Variants in SMIM8 observed in about 807,000 individuals in gnomAD.
The protein encoded by SMIM8 is small integral membrane protein 8, also known as UPF0708 protein C6orf162.
A neutral mutation model predicts 8.1 loss-of-function variants in SMIM8; 8 were observed. That is an observed-to-expected ratio of 0.99 (90% CI 0.58 to 1.78). The LOEUF (loss-of-function observed/expected upper bound fraction) is 1.78. SMIM8 is among the 40% of genes most tolerant of loss of function. The pLI is 0.00. For missense variants in SMIM8, 126 were observed against 119.8 expected, an observed-to-expected ratio of 1.05 and a Z score of -0.24; for synonymous variants, 45 against 39.7, an observed-to-expected ratio of 1.13 and a Z score of -0.50.
chr6:87,341,416 C>T lies in SMIM8; in HGVS notation c.*1142C>T, dbSNP rs751356090. ...GCCTAGGACAGAGGTCAAGGCTAGG[C>T]CCCTGTGTCTGGCCAGATTCTGCCT... On this transcript the variant is annotated 3_prime_UTR_variant, in exon 4 of 4. Transcript: ENST00000392863. 5.0e-6 allele frequency: 2 copies of T among 396,790 alleles called. No homozygotes were observed. The highest frequency in any genetic ancestry group is 8.9e-6 in the Non-Finnish European group (2 of 225,098). The allele number at this position is 396,790 out of a possible 1,614,324, so 24.6% of individuals were successfully genotyped here. A position where few individuals can be genotyped will look rare whatever the true frequency, so the allele number is the denominator to read the frequency against.
intron 2 of SMIM8, among the ~76,000 whole-genome samples, chr6:87,335,845 CA>C (rs35840147): frequency 0.25 from 13,912 of 55,692 alleles, 403 homozygotes; most frequent in Admixed American, 0.31. Flanking sequence ...CCGTCCCTAC[CA>C]AAAAAAAAAA....
At chr6:87,335,672 A>G (rs1198864658) in intron 2 of SMIM8, among the ~76,000 whole-genome samples, 2 of 152,016 alleles carry the variant, frequency 1.3e-5, no homozygotes, top group Non-Finnish European at 2.9e-5. Context: ...TTGATTTTAT[A>G]AAGTCTATAA....
chr6:87,337,104 C>G lies in SMIM8; in HGVS notation c.73C>G (p.Leu25Val). The change falls in exon 3 of 4, where the codon CTC becomes GTC. Residue 25 changes from leucine to valine, a missense_variant. Coordinates refer to ENST00000392863, the MANE Select transcript of SMIM8 (RefSeq NM_001042493.3). Reference sequence around the variant, plus strand: ...AGAGAAAGAGTTTCAAAGCCCAGGGCTCAGAGGGGTGCGCACAACAACCTT... The same window carrying G: ...AGAGAAAGAGTTTCAAAGCCCAGGGGTCAGAGGGGTGCGCACAACAACCTT... ...PKEKEFQSPG[L>V]RGVRTTTLFR... 6.2e-7 allele frequency: 1 copy of G among 1,613,424 alleles called. No homozygotes were observed. The highest frequency in any genetic ancestry group is 8.5e-7 in the Non-Finnish European group (1 of 1,179,624).
In SMIM8 at chr6:87,339,823, C is replaced by T. The variant is rs544342360; in HGVS notation, c.136-293C>T. On this transcript the variant is annotated intron_variant, in intron 3 of 3. Transcript: ENST00000392863. ...CTCCGGGTGCTGACCAGTTTTCCTG[C>T]CCCACTCCTTTCCCAGCTGTCACCT... 4.4e-4 allele frequency among the ~76,000 whole-genome samples: 67 copies of T among 152,226 alleles called. No individual in the cohort carries two copies. The Middle Eastern group carries it at 0.014, about 31-fold the overall frequency.
At chr6:87,340,023 A>G (rs775651635) in intron 3 of SMIM8, 93 bp from the exon 4 acceptor site, 2 of 899,996 alleles carry the variant, frequency 2.2e-6, no homozygotes, top group East Asian at 2.7e-5. Context: ...TGTAATAAAG[A>G]TGTGGCATGT....
At chr6:87,330,302 A>G (rs1383427457) in intron 1 of SMIM8, among the ~76,000 whole-genome samples, 11 of 152,172 alleles carry the variant, frequency 7.2e-5, no homozygotes, top group Non-Finnish European at 4.4e-5. Flanking sequence ...GCTCGTTAAC[A>G]TTTTATGATT....
At chr6:87,325,984 T>A (rs1011971216) in intron 1 of SMIM8, among the ~76,000 whole-genome samples, 1 of 152,246 alleles carries the variant, frequency 6.6e-6, no homozygotes, top group Non-Finnish European at 1.5e-5. Flanking sequence ...TTCTTCCTAG[T>A]TTAGTCTTGG....
Position 87,337,097 on chromosome 6 carries a change from C to T in SMIM8, c.66C>T (p.Ser22=). The T allele has an allele frequency of 6.2e-7, 1 of 1,613,392 alleles. No homozygotes were observed. Among genetic ancestry groups the T allele is most frequent in the Non-Finnish European group, 8.5e-7 (1 of 1,179,586 alleles). Residue 22 remains serine (S), a synonymous_variant, in exon 3 of 4, where the codon AGC becomes AGT. Transcript: ENST00000392863. ...KEPPKEKEFQ[S]PGLRGVRTTT... is the part of the protein sequence containing the mutation. ...CACCCAAAGAGAAAGAGTTTCAAAGCCCAGGGCTCAGAGGGGTGCGCACAA... is the reference window on the plus strand; with the variant it reads ...CACCCAAAGAGAAAGAGTTTCAAAGTCCAGGGCTCAGAGGGGTGCGCACAA...
intron 1 of SMIM8, among the ~76,000 whole-genome samples, chr6:87,327,350 T>C (rs1273537787): frequency 6.6e-6 from 1 of 152,146 alleles, no homozygotes; most frequent in Non-Finnish European, 1.5e-5. Context: ...ATACAGTTTC[T>C]TCCTAGTCTC....
At chr6:87,324,682 A>G (rs1236828031) in intron 1 of SMIM8, among the ~76,000 whole-genome samples, 4 of 151,038 alleles carry the variant, frequency 2.6e-5, no homozygotes, top group African/African-American at 9.8e-5. Context: ...GCCTTGTAGT[A>G]TACTTTGAAG....
chr6:87,322,682 G>T, intron 1 of SMIM8, 50 bp downstream of exon 1: 1 of 152,310 alleles, frequency 6.6e-6, no homozygotes, highest in Non-Finnish European at 1.5e-5. Flanking sequence ...GGCCTGGAGG[G>T]GCCAGGGCGG....
At chr6:87,326,268 T>C (rs867184982) in intron 1 of SMIM8, among the ~76,000 whole-genome samples, 13 of 152,176 alleles carry the variant, frequency 8.5e-5, no homozygotes, top group African/African-American at 3.1e-4. Context: ...CTATTTCCTT[T>C]AGTTGTGCTC....
chr6:87,332,344 A>ATATATATATATATATAT (rs1490339070), intron 2 of SMIM8, among the ~76,000 whole-genome samples: 1 of 143,332 alleles, frequency 7.0e-6, no homozygotes, highest in African/African-American at 2.7e-5. Flanking sequence ...TATATATATA[A>ATATATATATATATATAT]ATGACAGCAG....
At chr6:87,328,654 A>G (rs911961713) in intron 1 of SMIM8, among the ~76,000 whole-genome samples, 4 of 152,172 alleles carry the variant, frequency 2.6e-5, no homozygotes, top group Non-Finnish European at 5.9e-5. Flanking sequence ...GCTCTCTTCA[A>G]AGCTGTCAGA....
chr6:87,327,213 C>G (rs1183770266), intron 1 of SMIM8, among the ~76,000 whole-genome samples: 6 of 147,762 alleles, frequency 4.1e-5, no homozygotes, highest in South Asian at 2.2e-4. Context: ...GGTCTTGACT[C>G]TTTATCCAAT....
intron 2 of SMIM8, among the ~76,000 whole-genome samples, chr6:87,332,319 C>CATATATATATATA (rs1562223234): frequency 2.1e-5 from 2 of 97,312 alleles, no homozygotes; most frequent in African/African-American, 9.3e-5. Context: ...TCCTCCCCCC[C>CATATATATATATA]CATATATGTA....
At chr6:87,327,213 C>A (rs1183770266) in intron 1 of SMIM8, among the ~76,000 whole-genome samples, 1 of 147,762 alleles carries the variant, frequency 6.8e-6, no homozygotes, top group Non-Finnish European at 1.5e-5. Flanking sequence ...GGTCTTGACT[C>A]TTTATCCAAT....
chr6:87,323,434 C>T (rs1032084424), intron 1 of SMIM8, among the ~76,000 whole-genome samples: 2 of 117,982 alleles, frequency 1.7e-5, no homozygotes, highest in African/African-American at 6.4e-5. Flanking sequence ...CTCCCCCCAC[C>T]CCACAACAGA....
rs1294087111 is a variant in SMIM8, at chr6:87,322,648, G to A, written c.-45+16G>A. On this transcript the variant is annotated intron_variant, in intron 1 of 3. Coordinates refer to ENST00000392863, the MANE Select transcript of SMIM8 (RefSeq NM_001042493.3). Reference sequence around the variant, plus strand: ...CCCGCGAAAGGTAAGCGGCGGCTTCGGTGGTGTTGAGTGGCTGGGCGCCGG... The same window carrying A: ...CCCGCGAAAGGTAAGCGGCGGCTTCAGTGGTGTTGAGTGGCTGGGCGCCGG... 1 of 152,344 alleles carries A rather than the reference G, an allele frequency of 6.6e-6. No individual in the cohort carries two copies. The highest frequency in any genetic ancestry group is 2.4e-5 in the African/African-American group (1 of 41,438). 9.4% of individuals were successfully genotyped at this position (152,344 alleles called of 1,614,324 possible). A position where few individuals can be genotyped will look rare whatever the true frequency, so the allele number is the denominator to read the frequency against.
Sources: gnomAD v4.1 joint callset for allele counts (sites outside exome capture counted in the v4.1 genomes callset) on GRCh38, gnomAD v4.1.1 for gene constraint, MANE v1.5 for transcripts, NCBI Gene and HGNC (gene_info 2026-07-23, HGNC 2026-07-21) for gene names.